DCDC1: variants seen among roughly 807,000 people sequenced by gnomAD.
The protein encoded by DCDC1 is doublecortin domain containing 1.
A neutral mutation model predicts 178.3 loss-of-function variants in DCDC1; 200 were observed. The observed-to-expected ratio is 1.12, with a 90% CI of 1.00 to 1.26. DCDC1 has a LOEUF of 1.26. Among genes scored for constraint, DCDC1 ranks in the 50% most tolerant of loss-of-function variants. DCDC1 has a pLI of 0.00. For synonymous variants in DCDC1, 690 were observed against 604.8 expected, an observed-to-expected ratio of 1.14 and a Z score of -2.07; for missense variants, 1,983 against 1,749.2, an observed-to-expected ratio of 1.13 and a Z score of -2.38.
intron 2 of DCDC1, among the ~76,000 whole-genome samples, chr11:31,332,433 T>C (rs963174180): frequency 4.6e-5 from 7 of 152,204 alleles, no homozygotes; most frequent in Non-Finnish European, 1.0e-4. Flanking sequence ...TTTGAATTTG[T>C]TTGCTCTTGC....
chr11:31,014,887 C>G (rs948768759), intron 20 of DCDC1, among the ~76,000 whole-genome samples: 3 of 151,978 alleles, frequency 2.0e-5, no homozygotes, highest in African/African-American at 7.3e-5. Context: ...TTAGATAGTG[C>G]TCTACTGTGA....
intron 7 of DCDC1, among the ~76,000 whole-genome samples, chr11:31,290,042 T>C (rs1219957362): frequency 1.3e-5 from 2 of 152,044 alleles, no homozygotes; most frequent in African/African-American, 4.8e-5. Context: ...TTTTTTAATA[T>C]CAAAGATGTT....
intron 1 of DCDC1, among the ~76,000 whole-genome samples, chr11:31,337,836 C>T (rs936673327): frequency 2.0e-5 from 3 of 152,068 alleles, no homozygotes; most frequent in Non-Finnish European, 4.4e-5. Flanking sequence ...AATGTCTAGA[C>T]GTGATCTTTG....
chr11:30,970,377 A>G (rs757571813), intron 20 of DCDC1, among the ~76,000 whole-genome samples: 13 of 152,044 alleles, frequency 8.6e-5, no homozygotes, highest in Non-Finnish European at 1.3e-4. Flanking sequence ...ACATCTACAA[A>G]TCCATGGAGC....
chr11:30,887,685 G>A (rs978274946), intron 36 of DCDC1, among the ~76,000 whole-genome samples: 2 of 152,094 alleles, frequency 1.3e-5, no homozygotes, highest in Non-Finnish European at 2.9e-5. Flanking sequence ...GCAACTTAAC[G>A]TAACTCTCCA....
chr11:31,038,517 C>A (rs543057421), intron 20 of DCDC1, among the ~76,000 whole-genome samples: 1 of 152,060 alleles, frequency 6.6e-6, no homozygotes, highest in African/African-American at 2.4e-5. Context: ...ATAATTTGTG[C>A]TATGGATGTT....
intron 1 of DCDC1, among the ~76,000 whole-genome samples, chr11:31,368,067 A>G (rs1383558475): frequency 6.6e-6 from 1 of 152,208 alleles, no homozygotes; most frequent in Non-Finnish European, 1.5e-5. Context: ...TTTTCAATTA[A>G]CCGTGGAAAT....
intron 20 of DCDC1, among the ~76,000 whole-genome samples, chr11:31,037,276 T>C (rs889647881): frequency 6.6e-6 from 1 of 152,158 alleles, no homozygotes; most frequent in African/African-American, 2.4e-5. Flanking sequence ...AAACTTGGTT[T>C]TTCCCAGAGA....
At position 31,177,583 on chromosome 11, in the gene DCDC1, G is replaced by A. The variant is rs530340307; in HGVS notation, c.1222-39799C>T. ...TCTGACTAAAACATATAGAGTGGCTGAATTGAGTAAAGAAACAAGATTCAA... is the reference window on the plus strand; with the variant it reads ...TCTGACTAAAACATATAGAGTGGCTAAATTGAGTAAAGAAACAAGATTCAA... On this transcript the variant is annotated intron_variant, in intron 9 of 38. Coordinates refer to ENST00000684477, the MANE Select transcript of DCDC1 (RefSeq NM_001387274.1). Among the ~76,000 whole-genome samples the A allele has an allele frequency of 3.9e-5, 6 of 152,192 alleles. No homozygotes were observed. The South Asian group carries it at 1.2e-3, about 32-fold the overall frequency.
chr11:30,873,364 T>TATATAGAGAG (rs1228106379), intron 38 of DCDC1, among the ~76,000 whole-genome samples: 7 of 137,084 alleles, frequency 5.1e-5, no homozygotes, highest in African/African-American at 1.7e-4. Flanking sequence ...TATATATATA[T>TATATAGAGAG]AGAGAGAGAG....
intron 3 of DCDC1, among the ~76,000 whole-genome samples, chr11:31,321,872 C>T (rs1038996466): frequency 6.6e-6 from 1 of 152,084 alleles, no homozygotes; most frequent in Non-Finnish European, 1.5e-5. Flanking sequence ...TATAAATTTA[C>T]AATTACTGAT....
At chr11:31,031,043 C>T in intron 20 of DCDC1, among the ~76,000 whole-genome samples, 1 of 152,138 alleles carries the variant, frequency 6.6e-6, no homozygotes, top group African/African-American at 2.4e-5. Flanking sequence ...GTTAGGATTA[C>T]AAATTGTAAT....
At chr11:30,910,437 A>C (rs1203024784) in intron 28 of DCDC1, among the ~76,000 whole-genome samples, 1 of 152,220 alleles carries the variant, frequency 6.6e-6, no homozygotes, top group East Asian at 1.9e-4. Flanking sequence ...CCAGGATAGC[A>C]GACTTAATTA....
chr11:31,089,594 T>A (rs1304054914), intron 17 of DCDC1, among the ~76,000 whole-genome samples: 1 of 150,824 alleles, frequency 6.6e-6, no homozygotes, highest in Non-Finnish European at 1.5e-5. Context: ...TTTTCTCACA[T>A]CTCACTGATG....
At chr11:31,216,201 C>T (rs866113455) in intron 9 of DCDC1, among the ~76,000 whole-genome samples, 111 of 152,134 alleles carry the variant, frequency 7.3e-4, no homozygotes, top group African/African-American at 2.5e-3. Flanking sequence ...TGAATATTAA[C>T]GTTATTTTCC....
intron 20 of DCDC1, among the ~76,000 whole-genome samples, chr11:30,965,272 A>T: frequency 6.6e-6 from 1 of 152,194 alleles, no homozygotes; most frequent in East Asian, 1.9e-4. Flanking sequence ...CATGAGTGAG[A>T]GTCACCCAAA....
chr11:31,056,735 C>G (rs1955608564), intron 20 of DCDC1, among the ~76,000 whole-genome samples: 1 of 152,010 alleles, frequency 6.6e-6, no homozygotes, highest in Non-Finnish European at 1.5e-5. Context: ...GGAATTTTTA[C>G]CATACATGTT....
intron 27 of DCDC1, among the ~76,000 whole-genome samples, chr11:30,914,455 C>T (rs1945677585): frequency 6.6e-6 from 1 of 152,148 alleles, no homozygotes; most frequent in Non-Finnish European, 1.5e-5. Context: ...AGCTCTTTCC[C>T]AGAAAAAATA....
intron 28 of DCDC1, 21 bp from the exon 29 acceptor site, chr11:30,909,137 T>G: frequency 4.4e-6 from 7 of 1,591,814 alleles, no homozygotes; most frequent in Non-Finnish European, 6.0e-6. Flanking sequence ...AGGCAAAATA[T>G]GGAGTCAAGT....
Sources: allele counts gnomAD v4.1 joint callset (sites outside exome capture counted in the v4.1 genomes callset), GRCh38; gene constraint gnomAD v4.1.1; transcripts MANE v1.5; gene names NCBI Gene and HGNC (gene_info 2026-07-23, HGNC 2026-07-21).